The following TTBK1 variants were observed in gnomAD, a reference collection of about 807,000 sequenced individuals.
TTBK1 encodes the protein tau tubulin kinase 1, also known as tau-tubulin kinase 1.
In TTBK1, 34 loss-of-function variants were observed where a neutral mutation model predicts 108.5. The observed-to-expected ratio is 0.31, with a 90% CI of 0.24 to 0.42. The LOEUF is 0.42. Ranked by LOEUF, TTBK1 falls within the 10% of genes least tolerant of loss-of-function variation. The pLI, the probability that TTBK1 is intolerant of heterozygous loss-of-function variation, is 1.00. For synonymous variants in TTBK1, 809 were observed against 795.1 expected (o/e 1.02, Z -0.29); for missense variants, 1,539 against 1,826.0 (o/e 0.84, Z 2.86).
intron 13 of TTBK1, among the ~76,000 whole-genome samples, chr6:43,275,651 G>A (rs1245824266): frequency 6.6e-6 from 1 of 151,802 alleles, no homozygotes; most frequent in East Asian, 1.9e-4. Context: ...CAGAGTTGAG[G>A]GGGAGCAGAG....
At chr6:43,261,800 T>G (rs1185435541) in intron 12 of TTBK1, among the ~76,000 whole-genome samples, 14 of 140,796 alleles carry the variant, frequency 9.9e-5, no homozygotes, top group Non-Finnish European at 2.0e-4. Flanking sequence ...GGGTGACAGA[T>G]TCTGTCTCAA....
At chr6:43,254,028 A>G (rs547973937) in intron 5 of TTBK1, among the ~76,000 whole-genome samples, 1 of 152,252 alleles carries the variant, frequency 6.6e-6, no homozygotes, top group South Asian at 2.1e-4. Flanking sequence ...GGATGGAGGG[A>G]TCGAGGGAAG....
rs779034271 is a variant in TTBK1 at position 43,284,028 on chromosome 6, G to A, written c.3288G>A (p.Lys1096=). Residue 1096 remains lysine, a synonymous_variant, in exon 14 of 15, where the codon AAG becomes AAA. Transcript: ENST00000259750. ...ACCTGGCGCGGCTGGTGATGGAGAAGAGGCAGGGCCGCCTGCTGTTGCGGC... is the reference window on the plus strand; with the variant it reads ...ACCTGGCGCGGCTGGTGATGGAGAAAAGGCAGGGCCGCCTGCTGTTGCGGC... ...QQDLARLVME[K]RQGRLLLRLA... is the part of the protein sequence containing the mutation. 10 of 1,566,292 alleles carry A rather than the reference G, an allele frequency of 6.4e-6. No individual in the cohort carries two copies. The highest frequency in any genetic ancestry group is 8.7e-6 in the Non-Finnish European group (10 of 1,154,552).
rs1224554688 is a variant in TTBK1 at position 43,283,398 on chromosome 6, C to T, written c.2658C>T (p.Thr886=). The stretch of plus-strand genomic sequence containing the variant: ...AGCTGGACGTATCTGAGCCAGGCAC[C>T]CTGTCCTCTGTCCTCAAGTCTGAGC... ...GSQLDVSEPG[T]LSSVLKSEPK... is the part of the protein sequence containing the mutation. Residue 886 remains threonine (T), a synonymous_variant, in exon 14 of 15, where the codon ACC becomes ACT. Coordinates refer to ENST00000259750, the MANE Select transcript of TTBK1 (RefSeq NM_032538.3). The surrounding 1 kb of genome is among the most constrained non-coding windows in gnomAD (Gnocchi z 8.1). 6.2e-7 allele frequency: 1 copy of T among 1,611,248 alleles called. No individual in the cohort carries two copies. Among genetic ancestry groups the T allele is most frequent in the Non-Finnish European group, 8.5e-7 (1 of 1,178,680 alleles).
chr6:43,262,805 C>G lies in TTBK1; in HGVS notation c.1441C>G (p.Pro481Ala), dbSNP rs1777576342. 6.4e-7 allele frequency: 1 copy of G among 1,573,956 alleles called. No homozygotes were observed. The highest frequency in any genetic ancestry group is 8.6e-7 in the Non-Finnish European group (1 of 1,156,578). ...LPERRSRMDLPGSPSRQACSS... is the reference protein window; with the variant it reads ...LPERRSRMDLAGSPSRQACSS... ...GCTTTGCAGGTCACGGATGGATCTG[C>G]CTGGCTCGCCCTCGCGCCAGGCCTG... is the stretch of plus-strand genomic sequence containing the variant. The change falls in exon 13 of 15, where the codon CCT becomes GCT. Residue 481 changes from proline (P) to alanine (A), a missense_variant. Pro to Ala is a conservative substitution (Grantham distance 27, BLOSUM62 -1). Transcript: ENST00000259750.
chr6:43,272,542 G>C, intron 13 of TTBK1: 1 of 985,462 alleles, frequency 1.0e-6, no homozygotes, highest in Non-Finnish European at 1.2e-6. Flanking sequence ...TTCAAAGCAT[G>C]TTGTCCTTTA....
chr6:43,255,210 G>T, intron 7 of TTBK1, 96 bp downstream of exon 7: 3 of 1,051,054 alleles, frequency 2.9e-6, no homozygotes, highest in Non-Finnish European at 2.9e-6. Context: ...AGGAGAGTGG[G>T]GCAGGGGCTG....
rs1777210035 is a variant in TTBK1 at position 43,250,545 on chromosome 6, GA to G, written c.109-2193del. ...CTAATGTTTTGTAGTTTTAAATAGA[GA>G]CAGGGTTTCGCCATGTTGGCCAAGC... is the stretch of plus-strand genomic sequence containing the variant. On this transcript the variant is annotated intron_variant, in intron 2 of 14. Transcript: ENST00000259750. 3.9e-5 allele frequency among the ~76,000 whole-genome samples: 6 copies of G among 152,026 alleles called. No individual in the cohort carries two copies. The South Asian group carries it at 1.2e-3, about 32-fold the overall frequency.
chr6:43,285,401 C>A lies in TTBK1; in HGVS notation c.*25C>A. 6 of 1,260,412 alleles carry A rather than the reference C, an allele frequency of 4.8e-6. No individual in the cohort carries two copies. Among genetic ancestry groups the A allele is most frequent in the South Asian group, 3.3e-5 (1 of 30,472 alleles). The allele number at this position is 1,260,412 out of a possible 1,614,324, so 78.1% of individuals were successfully genotyped here. A position where few individuals can be genotyped will look rare whatever the true frequency, so the allele number is the denominator to read the frequency against. On this transcript the variant is annotated 3_prime_UTR_variant, in exon 15 of 15. Coordinates refer to ENST00000259750, the MANE Select transcript of TTBK1 (RefSeq NM_032538.3). The surrounding 1 kb of genome is among the most constrained non-coding windows in gnomAD (Gnocchi z 4.7). ...ATGACGCCCGCTGCTCTCCGCGGTC[C>A]CCCACCCTCACCCCGGCCCCCCACC...
In TTBK1 at chr6:43,254,535, T is replaced by C. The variant is rs1298157214; in HGVS notation, c.472-12T>C. On this transcript the variant is annotated splice_polypyrimidine_tract_variant and intron_variant, in intron 5 of 14. Transcript: ENST00000259750. ...TGGGGCCCCCAGAGCTCACAGCTGC[T>C]GTCTCCCCCAGTCAAACTTTGCCAT... 1 of 1,561,832 alleles carries C rather than the reference T, an allele frequency of 6.4e-7. No individual in the cohort carries two copies. The highest frequency in any genetic ancestry group is 8.6e-7 in the Non-Finnish European group (1 of 1,157,502).
intron 13 of TTBK1, among the ~76,000 whole-genome samples, chr6:43,266,119 G>C (rs1259928717): frequency 1.3e-5 from 2 of 152,184 alleles, no homozygotes. Flanking sequence ...TGAGGTGTTT[G>C]TGGGCCTCGG....
chr6:43,259,770 TG>T lies in TTBK1; in HGVS notation c.1424+66del, dbSNP rs1777489268. 2.8e-6 allele frequency: 4 copies of T among 1,445,396 alleles called. No individual in the cohort carries two copies. The highest frequency in any genetic ancestry group is 3.7e-6 in the Non-Finnish European group (4 of 1,088,730). 89.5% of individuals were successfully genotyped at this position (1,445,396 alleles called of 1,614,324 possible). A position where few individuals can be genotyped will look rare whatever the true frequency, so the allele number is the denominator to read the frequency against. On this transcript the variant is annotated intron_variant, in intron 12 of 14. Transcript: ENST00000259750. The surrounding 1 kb of genome is among the most constrained non-coding windows in gnomAD (Gnocchi z 6.7). ...CCTCTCCGCCTTCACGTGGCTGGTC[TG>T]GAGGAAAAGTTAGATGTGTGGCGGA...
chr6:43,258,986 G>C, intron 10 of TTBK1, 52 bp from the exon 11 acceptor site: 2 of 1,430,424 alleles, frequency 1.4e-6, no homozygotes, highest in Non-Finnish European at 1.9e-6. Context: ...GGCCATGGAA[G>C]GAGAGGGCAC....
intron 2 of TTBK1, chr6:43,247,861 T>G (rs1582471849): frequency 2.7e-5 from 4 of 149,130 alleles, no homozygotes; most frequent in Non-Finnish European, 3.0e-5. Flanking sequence ...GGGTTGGGAG[T>G]GGAAGGGATG....
intron 14 of TTBK1, 54 bp from the exon 15 acceptor site, chr6:43,284,929 C>G (rs548204141): frequency 6.7e-7 from 1 of 1,483,802 alleles, no homozygotes; most frequent in African/African-American, 1.5e-5. Flanking sequence ...AAATATTTCT[C>G]CTTGTTTTGT....
intron 13 of TTBK1, among the ~76,000 whole-genome samples, chr6:43,275,061 T>TCACACTCACACC: frequency 6.6e-6 from 1 of 152,098 alleles, no homozygotes; most frequent in East Asian, 1.9e-4. Context: ...CCTCACGCAC[T>TCACACTCACACC]CACACTCACA....
chr6:43,270,076 T>C, intron 13 of TTBK1: 1 of 1,409,714 alleles, frequency 7.1e-7, no homozygotes, highest in East Asian at 2.7e-5. Flanking sequence ...CATCATGCAA[T>C]ACAGCCCCCC....
At chr6:43,277,330 G>C (rs1330236399) in intron 13 of TTBK1, among the ~76,000 whole-genome samples, 1 of 152,076 alleles carries the variant, frequency 6.6e-6, no homozygotes, top group Non-Finnish European at 1.5e-5. Flanking sequence ...GTCAGTGGGA[G>C]GGGTGGGCCA....
At position 43,257,121 on chromosome 6, in the gene TTBK1, T is replaced by C. The variant is rs1777403398; in HGVS notation, c.862-691T>C. On this transcript the variant is annotated intron_variant, in intron 9 of 14. Coordinates refer to ENST00000259750, the MANE Select transcript of TTBK1 (RefSeq NM_032538.3). This position sits in a 1 kb window ranked among gnomAD's most constrained non-coding sequence, Gnocchi z 4.5. ...TCAGCAGAGAGAAACTGCCCTGTGC[T>C]CTGGAGACAGCCAAGCCAGAAGTGG... Among the ~76,000 whole-genome samples the C allele has an allele frequency of 6.6e-6, 1 of 152,224 alleles. No individual in the cohort carries two copies.
Sources: gnomAD v4.1 joint callset for allele counts (sites outside exome capture counted in the v4.1 genomes callset) on GRCh38, gnomAD v4.1.1 for gene constraint, Gnocchi (gnomAD v3.1) non-coding constraint, MANE v1.5 for transcripts, NCBI Gene and HGNC (gene_info 2026-07-23, HGNC 2026-07-21) for gene names.